ABHD2: variants seen among roughly 807,000 people sequenced by gnomAD.
ABHD2 encodes abhydrolase domain containing 2, acylglycerol lipase.
ABHD2 carries 20 observed loss-of-function variants against 48.1 expected under a neutral mutation model. That is an observed-to-expected ratio of 0.42 (90% CI 0.29 to 0.60). The LOEUF is 0.60. Ranked by LOEUF, ABHD2 falls within the 20% of genes least tolerant of loss-of-function variation. ABHD2 has a pLI of 0.24. For synonymous variants in ABHD2, 209 were observed against 214.2 expected (o/e 0.98, Z 0.21); for missense variants, 405 against 550.9 (o/e 0.74, Z 2.65).
In ABHD2 at chr15:89,195,350, AC is replaced by A; in HGVS notation, c.1206del (p.Asn402LysfsTer98). The A allele has an allele frequency of 6.2e-7, 1 of 1,614,220 alleles. No individual in the cohort carries two copies. Among genetic ancestry groups the A allele is most frequent in the Non-Finnish European group, 8.5e-7 (1 of 1,180,036 alleles). ...WMDKLVVEYA[N>X]AICQWERNKL... ...GATAAGCTGGTGGTGGAGTACGCCAACGCCATTTGCCAATGGGAGCGTAACA... is the reference window on the plus strand; with the variant it reads ...GATAAGCTGGTGGTGGAGTACGCCAAGCCATTTGCCAATGGGAGCGTAACA... On this transcript the variant is annotated frameshift_variant, in exon 11 of 11. Transcript: ENST00000352732. LOFTEE classifies it high-confidence loss of function. The surrounding 1 kb of genome is among the most constrained non-coding windows in gnomAD (Gnocchi z 5.1).
At chr15:89,142,463 T>G (rs2050419306) in intron 3 of ABHD2, among the ~76,000 whole-genome samples, 1 of 152,214 alleles carries the variant, frequency 6.6e-6, no homozygotes, top group Non-Finnish European at 1.5e-5. Context: ...GGCCCCAGGT[T>G]TCACTCCGGG....
intron 3 of ABHD2, among the ~76,000 whole-genome samples, chr15:89,125,791 G>A (rs1021250737): frequency 2.6e-5 from 4 of 152,256 alleles, no homozygotes; most frequent in Admixed American, 6.5e-5. Context: ...GAAAAGTGCC[G>A]CCATCTTTGA....
chr15:89,171,870 C>T (rs2050934089), intron 5 of ABHD2, among the ~76,000 whole-genome samples: 1 of 152,132 alleles, frequency 6.6e-6, no homozygotes, highest in African/African-American at 2.4e-5. Flanking sequence ...CAGATCCCAC[C>T]CCCAGACGTT....
the ABHD2 span, among the ~76,000 whole-genome samples, chr15:89,044,965 A>C: frequency 6.6e-6 from 1 of 150,858 alleles, no homozygotes; most frequent in Non-Finnish European, 1.5e-5. Flanking sequence ...TGTTTTAGAC[A>C]TGAAGTCCTT....
At chr15:89,074,993 A>G in the ABHD2 span, among the ~76,000 whole-genome samples, 1 of 152,216 alleles carries the variant, frequency 6.6e-6, no homozygotes, top group Admixed American at 6.5e-5. Flanking sequence ...CCCCAACCCT[A>G]AACTTTAGTA....
At chr15:89,055,359 T>A in the ABHD2 span, among the ~76,000 whole-genome samples, 1 of 150,714 alleles carries the variant, frequency 6.6e-6, no homozygotes, top group East Asian at 1.9e-4. Context: ...AAGGTTTCAT[T>A]TCTGTTGCTC....
chr15:89,114,038 A>G lies in ABHD2; in HGVS notation c.-7+214A>G, dbSNP rs2049916706. On this transcript the variant is annotated intron_variant, in intron 2 of 10. Coordinates refer to ENST00000352732, the MANE Select transcript of ABHD2 (RefSeq NM_152924.5). The surrounding 1 kb of genome is among the most constrained non-coding windows in gnomAD (Gnocchi z 4.2). ...TCTAGTTCAGTTCTGTATTACCAGC[A>G]TATAGTCAGAGAATTTCTGGTGGAT... is the stretch of plus-strand genomic sequence containing the variant. Among the ~76,000 whole-genome samples the G allele has an allele frequency of 6.6e-6, 1 of 152,254 alleles. No homozygotes were observed. Among genetic ancestry groups the G allele is most frequent in the East Asian group, 1.9e-4 (1 of 5,204 alleles).
At chr15:89,131,823 A>G (rs2050224045) in intron 3 of ABHD2, among the ~76,000 whole-genome samples, 1 of 152,182 alleles carries the variant, frequency 6.6e-6, no homozygotes, top group African/African-American at 2.4e-5. Flanking sequence ...CTTAGGAGAG[A>G]CGTAAGAGAG....
At chr15:89,058,970 G>A in the ABHD2 span, among the ~76,000 whole-genome samples, 1 of 152,206 alleles carries the variant, frequency 6.6e-6, no homozygotes, top group Non-Finnish European at 1.5e-5. Context: ...GTCACCAGCT[G>A]ATGGGAAAGC....
intron 1 of ABHD2, among the ~76,000 whole-genome samples, chr15:89,098,509 C>T (rs1015652633): frequency 2.0e-5 from 3 of 152,176 alleles, no homozygotes; most frequent in Admixed American, 6.5e-5. Context: ...ACTGAGCTTC[C>T]AACCCCTTCC....
Position 89,187,921 on chromosome 15 carries a change from T to C in ABHD2, c.816-272T>C, listed in dbSNP as rs539186238. Among the ~76,000 whole-genome samples, 7 of 152,360 alleles carry C rather than the reference T, an allele frequency of 4.6e-5. No individual in the cohort carries two copies. In the South Asian group the frequency reaches 6.2e-4, roughly 14 times the overall value. ...CCCACCACTCACCACAAGGCCCGTC[T>C]TGAGCCCCCCTCCCCTGTGCTGAAG... is the stretch of plus-strand genomic sequence containing the variant. On this transcript the variant is annotated intron_variant, in intron 7 of 10. Coordinates refer to ENST00000352732, the MANE Select transcript of ABHD2 (RefSeq NM_152924.5).
At chr15:89,107,904 C>T (rs1009268224) in intron 1 of ABHD2, among the ~76,000 whole-genome samples, 1 of 152,148 alleles carries the variant, frequency 6.6e-6, no homozygotes, top group Non-Finnish European at 1.5e-5. Flanking sequence ...CCTCTGAGCT[C>T]TCTCACTTTG....
chr15:89,061,824 T>C, the ABHD2 span, among the ~76,000 whole-genome samples: 1 of 152,168 alleles, frequency 6.6e-6, no homozygotes, highest in East Asian at 1.9e-4. Context: ...TCTGCCTGCC[T>C]CAGCCTCCCA....
chr15:89,046,327 A>T, the ABHD2 span, among the ~76,000 whole-genome samples: 1 of 152,140 alleles, frequency 6.6e-6, no homozygotes, highest in Non-Finnish European at 1.5e-5. Context: ...TTTTGCATCG[A>T]TGTTCATCAA....
the ABHD2 span, among the ~76,000 whole-genome samples, chr15:89,054,963 C>T: frequency 4.6e-5 from 7 of 152,098 alleles, no homozygotes; most frequent in African/African-American, 1.2e-4. Flanking sequence ...AGGTGGCTCA[C>T]GACTGTAATC....
At chr15:89,043,889 T>G in the ABHD2 span, among the ~76,000 whole-genome samples, 1 of 151,890 alleles carries the variant, frequency 6.6e-6, no homozygotes, top group African/African-American at 2.4e-5. Context: ...TTTTCTTTTT[T>G]TTTCCTTTTT....
At chr15:89,111,510 A>G (rs117013840) in intron 1 of ABHD2, among the ~76,000 whole-genome samples, 1 of 152,302 alleles carries the variant, frequency 6.6e-6, no homozygotes, top group East Asian at 1.9e-4. Flanking sequence ...TGTCATCTTA[A>G]TGGGGCTCCT....
intron 1 of ABHD2, among the ~76,000 whole-genome samples, chr15:89,089,597 T>A (rs1451301711): frequency 1.3e-5 from 2 of 152,214 alleles, no homozygotes; most frequent in Admixed American, 1.3e-4. Flanking sequence ...TCCAAAGGCA[T>A]GTTCCAAGAA....
intron 1 of ABHD2, among the ~76,000 whole-genome samples, chr15:89,110,603 G>C (rs921023444): frequency 6.6e-6 from 1 of 152,028 alleles, no homozygotes; most frequent in African/African-American, 2.4e-5. Flanking sequence ...AACCTTCACA[G>C]TGCTAGGTGC....
Sources: allele counts gnomAD v4.1 joint callset (sites outside exome capture counted in the v4.1 genomes callset), GRCh38; gene constraint gnomAD v4.1.1; non-coding constraint Gnocchi (gnomAD v3.1); transcripts MANE v1.5; gene names NCBI Gene and HGNC (gene_info 2026-07-23, HGNC 2026-07-21).